FBXO6: variants seen among roughly 807,000 people sequenced by gnomAD.
FBXO6 encodes the protein F-box protein 6.
A neutral mutation model predicts 25.0 loss-of-function variants in FBXO6; 13 were observed. That is an observed-to-expected ratio of 0.52 (90% CI 0.34 to 0.83). The LOEUF is 0.83. Ranked by LOEUF, FBXO6 falls within the 40% of genes least tolerant of loss-of-function variation. The pLI, the probability that FBXO6 is intolerant of heterozygous loss-of-function variation, is 0.02. For synonymous variants in FBXO6, 138 were observed against 155.3 expected, an observed-to-expected ratio of 0.89 and a Z score of 0.83; for missense variants, 370 against 380.2, an observed-to-expected ratio of 0.97 and a Z score of 0.22.
rs1640687896 is a variant in FBXO6 at position 11,673,546 on chromosome 1, T to TA, written c.646-68dup. ...TGCCTTCCAGCCTGGGCAGCTCTCTTAGAGGACCTGGCTCCTGCCTTCCCC... is the reference window on the plus strand; with the variant it reads ...TGCCTTCCAGCCTGGGCAGCTCTCTTAAGAGGACCTGGCTCCTGCCTTCCCC... On this transcript the variant is annotated intron_variant, in intron 5 of 5. Coordinates refer to ENST00000376753, the MANE Select transcript of FBXO6 (RefSeq NM_018438.6). The surrounding 1 kb of genome is among the most constrained non-coding windows in gnomAD (Gnocchi z 4.3). 6.4e-7 allele frequency: 1 copy of TA among 1,574,180 alleles called. No homozygotes were observed. Among genetic ancestry groups the TA allele is most frequent in the Non-Finnish European group, 8.7e-7 (1 of 1,153,650 alleles).
chr1:11,668,931 C>A lies in FBXO6; in HGVS notation c.273C>A (p.Asn91Lys). 1 of 1,613,628 alleles carries A rather than the reference C, an allele frequency of 6.2e-7. No homozygotes were observed. The change falls in exon 2 of 6, where the codon AAC (asparagine) becomes AAA (lysine). Residue 91 changes from asparagine to lysine, a missense_variant. Physicochemically the swap from Asn to Lys is moderately conservative, Grantham distance 94 (BLOSUM62 0). Coordinates refer to ENST00000376753, the MANE Select transcript of FBXO6 (RefSeq NM_018438.6). ...LRSLHRNLLR[N>K]PCAEEDMFAW... Reference sequence around the variant, plus strand: ...GCCTGCATAGGAACCTCCTGCGCAACCCGTGTGCTGAAGGTGGCATGGGGG... The same window carrying A: ...GCCTGCATAGGAACCTCCTGCGCAAACCGTGTGCTGAAGGTGGCATGGGGG...
chr1:11,668,583 C>A, intron 1 of FBXO6, 73 bp from the exon 2 acceptor site: 1 of 1,557,814 alleles, frequency 6.4e-7, no homozygotes, highest in South Asian at 1.2e-5. Context: ...GGAGAGGAGT[C>A]CCTGGCCTGG....
At chr1:11,669,739 C>T (rs1211636193) in intron 2 of FBXO6, among the ~76,000 whole-genome samples, 3 of 118,806 alleles carry the variant, frequency 2.5e-5, no homozygotes, top group African/African-American at 1.6e-4. Context: ...CATATACATA[C>T]ACACACACAC....
intron 3 of FBXO6, among the ~76,000 whole-genome samples, chr1:11,671,726 A>G (rs1640619763): frequency 6.6e-6 from 1 of 152,210 alleles, no homozygotes; most frequent in South Asian, 2.1e-4. Context: ...AATGCCGCCC[A>G]GGCACAAGTG....
Position 11,668,955 on chromosome 1 carries a change from G to A in FBXO6, c.286+11G>A, listed in dbSNP as rs1160323606. On this transcript the variant is annotated intron_variant, in intron 2 of 5. Coordinates refer to ENST00000376753, the MANE Select transcript of FBXO6 (RefSeq NM_018438.6). ...ACCCGTGTGCTGAAGGTGGCATGGG[G>A]GCAGGGTGGAGGCTGCCACCAGGCT... is the stretch of plus-strand genomic sequence containing the variant. 6.2e-7 allele frequency: 1 copy of A among 1,611,480 alleles called. No individual in the cohort carries two copies. Among genetic ancestry groups the A allele is most frequent in the Non-Finnish European group, 8.5e-7 (1 of 1,177,934 alleles).
Position 11,673,501 on chromosome 1 carries a change from C to T in FBXO6, c.645+89C>T. 2 of 1,580,304 alleles carry T rather than the reference C, an allele frequency of 1.3e-6. No homozygotes were observed. Among genetic ancestry groups the T allele is most frequent in the South Asian group, 2.3e-5 (2 of 86,048 alleles). On this transcript the variant is annotated intron_variant, in intron 5 of 5. Transcript: ENST00000376753. The surrounding 1 kb of genome is among the most constrained non-coding windows in gnomAD (Gnocchi z 4.3). ...AGGGCAGCCTCAGGGCCCAGGGTGC[C>T]CCTGCTGGCCTGGAGCTGTTGCCTT...
At chr1:11,665,578 T>TTTTTTTTTTTTA (rs1640407002) in intron 1 of FBXO6, among the ~76,000 whole-genome samples, 2 of 122,656 alleles carry the variant, frequency 1.6e-5, no homozygotes, top group South Asian at 2.8e-4. Flanking sequence ...TTTTTTTTTT[T>TTTTTTTTTTTTA]GAGACAGATT....
At chr1:11,666,607 C>T (rs1640446195) in intron 1 of FBXO6, among the ~76,000 whole-genome samples, 1 of 151,994 alleles carries the variant, frequency 6.6e-6, no homozygotes, top group Non-Finnish European at 1.5e-5. Context: ...TGGTCTCGAA[C>T]TTCTGACCTT....
In FBXO6 at chr1:11,673,517, C is replaced by T; in HGVS notation, c.646-98C>T. ...CCAGGGTGCCCCTGCTGGCCTGGAG[C>T]TGTTGCCTTCCAGCCTGGGCAGCTC... On this transcript the variant is annotated intron_variant, in intron 5 of 5. Transcript: ENST00000376753. This position sits in a 1 kb window ranked among gnomAD's most constrained non-coding sequence, Gnocchi z 4.3. 1.9e-6 allele frequency: 3 copies of T among 1,572,032 alleles called. No homozygotes were observed. Among genetic ancestry groups the T allele is most frequent in the Non-Finnish European group, 2.6e-6 (3 of 1,153,994 alleles).
chr1:11,671,521 C>T, intron 3 of FBXO6, 129 bp downstream of exon 3: 1 of 1,343,946 alleles, frequency 7.4e-7, no homozygotes, highest in African/African-American at 1.4e-5. Flanking sequence ...GGCCCCAAAA[C>T]TTGCCCAGAG....
chr1:11,668,836 C>A lies in FBXO6; in HGVS notation c.178C>A (p.Arg60=). Residue 60 remains arginine (R), a synonymous_variant, in exon 2 of 6, where the codon CGA becomes AGA. Transcript: ENST00000376753. The part of the protein sequence containing the change: ...LMTLWKRKCL[R]EGFITKDWDQ... ...GACCCTCTGGAAACGCAAGTGCCTG[C>A]GAGAGGGCTTCATCACCAAGGACTG... 2.5e-6 allele frequency: 4 copies of A among 1,614,144 alleles called. No homozygotes were observed. The highest frequency in any genetic ancestry group is 3.4e-6 in the Non-Finnish European group (4 of 1,180,020).
At chr1:11,667,994 A>G (rs1210493708) in intron 1 of FBXO6, among the ~76,000 whole-genome samples, 1 of 150,820 alleles carries the variant, frequency 6.6e-6, no homozygotes, top group East Asian at 2.0e-4. Flanking sequence ...CGGGAGGCTG[A>G]GGCAGGAGAA....
chr1:11,669,519 A>T (rs915470962), intron 2 of FBXO6, among the ~76,000 whole-genome samples: 2 of 151,512 alleles, frequency 1.3e-5, no homozygotes, highest in Admixed American at 1.3e-4. Context: ...TTTCTGCTAC[A>T]AACTTCAAGC....
At chr1:11,672,097 C>A in intron 4 of FBXO6, 74 bp downstream of exon 4, 1 of 1,367,724 alleles carries the variant, frequency 7.3e-7, no homozygotes, top group Non-Finnish European at 1.0e-6. Flanking sequence ...CGTGAGACAA[C>A]CCATAGCAAG....
chr1:11,665,490 C>T (rs1203223384), intron 1 of FBXO6, among the ~76,000 whole-genome samples: 6 of 150,356 alleles, frequency 4.0e-5, no homozygotes, highest in Admixed American at 1.3e-4. Context: ...CTCCTAACCT[C>T]GTGATCCGCC....
At position 11,668,959 on chromosome 1, in the gene FBXO6, G is replaced by A. The variant is rs1640527788; in HGVS notation, c.286+15G>A. 6.2e-7 allele frequency: 1 copy of A among 1,609,992 alleles called. No homozygotes were observed. Among genetic ancestry groups the A allele is most frequent in the African/African-American group, 1.3e-5 (1 of 74,948 alleles). ...GTGTGCTGAAGGTGGCATGGGGGCA[G>A]GGTGGAGGCTGCCACCAGGCTCGTT... On this transcript the variant is annotated intron_variant, in intron 2 of 5. Transcript: ENST00000376753.
chr1:11,670,476 C>A (rs1022911789), intron 2 of FBXO6, among the ~76,000 whole-genome samples: 141 of 152,228 alleles, frequency 9.3e-4, no homozygotes, highest in African/African-American at 3.3e-3. Flanking sequence ...CACCGACAAA[C>A]CCACAAACCC....
At chr1:11,664,572 C>G (rs916912885) in intron 1 of FBXO6, 5 of 151,904 alleles carry the variant, frequency 3.3e-5, no homozygotes, top group African/African-American at 1.2e-4. Flanking sequence ...GGGGCCTGGC[C>G]CCGGGGCCAC....
Position 11,673,158 on chromosome 1 carries a change from G to A in FBXO6, c.510-119G>A, listed in dbSNP as rs115667417. ...TGAAGCCAGCTGGGCCTTGCAGGCA[G>A]AGCAGTGTCAGCTGATGGGAGATGA... is the stretch of plus-strand genomic sequence containing the variant. On this transcript the variant is annotated intron_variant, in intron 4 of 5. Transcript: ENST00000376753. This position sits in a 1 kb window ranked among gnomAD's most constrained non-coding sequence, Gnocchi z 4.3. 6.9e-4 allele frequency: 895 copies of A among 1,288,100 alleles called. 1 individual carries two copies. In the African/African-American group the frequency reaches 0.012, roughly 17 times the overall value. 79.8% of individuals were successfully genotyped at this position (1,288,100 alleles called of 1,614,324 possible). A position where few individuals can be genotyped will look rare whatever the true frequency, so the allele number is the denominator to read the frequency against.
Sources: allele counts gnomAD v4.1 joint callset (sites outside exome capture counted in the v4.1 genomes callset), GRCh38; gene constraint gnomAD v4.1.1; non-coding constraint Gnocchi (gnomAD v3.1); transcripts MANE v1.5; gene names NCBI Gene and HGNC (gene_info 2026-07-23, HGNC 2026-07-21).